The following PKD1L1 variants were observed in gnomAD, a reference collection of about 807,000 sequenced individuals.
PKD1L1 encodes the protein polycystin-1-like protein 1.
PKD1L1 carries 236 observed loss-of-function variants against 323.4 expected under a neutral mutation model. That is an observed-to-expected ratio of 0.73 (90% CI 0.66 to 0.81). The LOEUF (loss-of-function observed/expected upper bound fraction) is 0.81. PKD1L1 is among the 40% of genes least tolerant of loss of function. PKD1L1 has a pLI of 0.00. For synonymous variants in PKD1L1, 1,344 were observed against 1,335.0 expected, an observed-to-expected ratio of 1.01 and a Z score of -0.15; for missense variants, 3,320 against 3,508.0, an observed-to-expected ratio of 0.95 and a Z score of 1.35.
At chr7:47,877,269 T>C (rs1786427709) in intron 22 of PKD1L1, among the ~76,000 whole-genome samples, 1 of 152,132 alleles carries the variant, frequency 6.6e-6, no homozygotes, top group African/African-American at 2.4e-5. Flanking sequence ...TTTGTGAAAT[T>C]CTGAACCTTC....
Position 47,792,660 on chromosome 7 carries a change from G to A in PKD1L1, c.8493C>T (p.Pro2831=), listed in dbSNP as rs771561771. Residue 2831 remains proline, a synonymous_variant, in exon 56 of 57, where the codon CCC becomes CCT. Transcript: ENST00000289672. ...CTTGGTAACTAGAAATGTCCACTAA[G>A]GGACTCTCTTCTGTCCTTGCCTCCC... The part of the protein sequence containing the change: ...NTGEARTEES[P]LVDISSYQAA... 5.6e-6 allele frequency: 9 copies of A among 1,613,904 alleles called. No homozygotes were observed. Among genetic ancestry groups the A allele is most frequent in the Non-Finnish European group, 7.6e-6 (9 of 1,179,874 alleles).
chr7:47,875,986 G>T, intron 23 of PKD1L1, 111 bp downstream of exon 23: 2 of 1,226,236 alleles, frequency 1.6e-6, no homozygotes, highest in South Asian at 3.2e-5. Context: ...GCATTAAACT[G>T]ATCAAGGTGA....
At chr7:47,849,637 C>A (rs143536585) in intron 31 of PKD1L1, among the ~76,000 whole-genome samples, 1 of 152,122 alleles carries the variant, frequency 6.6e-6, no homozygotes, top group African/African-American at 2.4e-5. Flanking sequence ...CAATGAGATA[C>A]CATCTTACTC....
chr7:47,913,631 C>CGTGT (rs1562987539), intron 8 of PKD1L1, among the ~76,000 whole-genome samples: 1 of 152,122 alleles, frequency 6.6e-6, no homozygotes, highest in Non-Finnish European at 1.5e-5. Context: ...GGCTATGTAA[C>CGTGT]GTGTGTGTTC....
At chr7:47,885,330 T>C (rs970461985) in intron 18 of PKD1L1, among the ~76,000 whole-genome samples, 1 of 152,126 alleles carries the variant, frequency 6.6e-6, no homozygotes, top group African/African-American at 2.4e-5. Context: ...ACCAGAATGG[T>C]TTCCATCCCC....
the PKD1L1 span, among the ~76,000 whole-genome samples, chr7:47,953,806 C>G: frequency 2.0e-5 from 3 of 152,196 alleles, no homozygotes; most frequent in Non-Finnish European, 4.4e-5. Context: ...TGCTCTGCCT[C>G]CTTGGCAGGG....
At chr7:47,782,618 A>T (rs953545035) in intron 56 of PKD1L1, among the ~76,000 whole-genome samples, 2 of 152,196 alleles carry the variant, frequency 1.3e-5, no homozygotes, top group Non-Finnish European at 2.9e-5. Flanking sequence ...GATAGAATAA[A>T]TCTCCACACT....
chr7:47,949,294 G>A (rs57995674), upstream of PKD1L1, among the ~76,000 whole-genome samples: 74,253 of 147,894 alleles, frequency 0.5, 18,798 homozygotes, highest in East Asian at 0.53. Flanking sequence ...GCTCGAAACC[G>A]AGAGGCGGAG....
chr7:47,837,767 C>A (rs915650977), intron 36 of PKD1L1, among the ~76,000 whole-genome samples: 3 of 152,056 alleles, frequency 2.0e-5, no homozygotes, highest in Non-Finnish European at 4.4e-5. Context: ...ATTTTAAGTT[C>A]CAATTCAATT....
intron 6 of PKD1L1, 58 bp downstream of exon 6, chr7:47,931,046 T>C: frequency 2.0e-6 from 3 of 1,526,228 alleles, no homozygotes; most frequent in Non-Finnish European, 2.7e-6. Flanking sequence ...TGGGCATGGA[T>C]GGTTCCAGAC....
At chr7:47,900,733 AT>A (rs1026077839) in intron 13 of PKD1L1, among the ~76,000 whole-genome samples, 8 of 151,338 alleles carry the variant, frequency 5.3e-5, no homozygotes, top group African/African-American at 2.0e-4. Context: ...AGTCTCAAAA[AT>A]AAATAAATAA....
intron 30 of PKD1L1, 86 bp from the exon 31 acceptor site, chr7:47,853,313 A>C: frequency 1.0e-6 from 1 of 986,322 alleles, no homozygotes; most frequent in Non-Finnish European, 1.6e-6. Flanking sequence ...GAGTTTACTC[A>C]ATTTGTGCAA....
At chr7:47,784,221 C>T (rs1054656820) in intron 56 of PKD1L1, among the ~76,000 whole-genome samples, 2 of 152,200 alleles carry the variant, frequency 1.3e-5, no homozygotes, top group Non-Finnish European at 2.9e-5. Context: ...GAATTCATTT[C>T]AGAAGGCTGT....
At chr7:47,802,017 C>T (rs577050298) in intron 53 of PKD1L1, among the ~76,000 whole-genome samples, 257 of 152,052 alleles carry the variant, frequency 1.7e-3, no homozygotes, top group Non-Finnish European at 2.0e-3. Context: ...CGGTGAAACA[C>T]CGTCTCTACT....
chr7:47,833,446 G>T lies in PKD1L1; in HGVS notation c.6175-194C>A, dbSNP rs564377944. On this transcript the variant is annotated intron_variant, in intron 40 of 56. Coordinates refer to ENST00000289672, the MANE Select transcript of PKD1L1 (RefSeq NM_138295.5). ...GGAGCCGGCTCCTTTGTACCCCTTG[G>T]GGGACGGTGGGTGCCCCTGGGGAAA... 3.9e-3 allele frequency among the ~76,000 whole-genome samples: 596 copies of T among 152,276 alleles called. 2 individuals are homozygous for T. The highest frequency in any genetic ancestry group is 7.5e-3 in the Admixed American group (114 of 15,298).
chr7:47,883,880 A>G (rs564710167), intron 19 of PKD1L1, among the ~76,000 whole-genome samples: 7 of 152,358 alleles, frequency 4.6e-5, no homozygotes, highest in Non-Finnish European at 8.8e-5. Context: ...CTAGACATCC[A>G]TCTCTTCACT....
At chr7:47,864,554 T>G (rs1003165991) in intron 26 of PKD1L1, among the ~76,000 whole-genome samples, 1 of 151,718 alleles carries the variant, frequency 6.6e-6, no homozygotes, top group Non-Finnish European at 1.5e-5. Flanking sequence ...CTTCCTTTCT[T>G]CCTTCTTTTT....
At chr7:47,851,419 T>G (rs1312594081) in intron 31 of PKD1L1, among the ~76,000 whole-genome samples, 2 of 152,066 alleles carry the variant, frequency 1.3e-5, no homozygotes, top group African/African-American at 4.8e-5. Flanking sequence ...TTTTAACACA[T>G]TGAATTTTTA....
intron 56 of PKD1L1, among the ~76,000 whole-genome samples, chr7:47,784,479 C>A (rs1554390802): frequency 6.7e-6 from 1 of 149,252 alleles, no homozygotes; most frequent in Non-Finnish European, 1.5e-5. Context: ...ACAATAGCTT[C>A]TTTTTTTTTT....
Sources: allele counts gnomAD v4.1 joint callset (sites outside exome capture counted in the v4.1 genomes callset), GRCh38; gene constraint gnomAD v4.1.1; transcripts MANE v1.5; gene names NCBI Gene and HGNC (gene_info 2026-07-23, HGNC 2026-07-21).